The following KLF13 variants were observed in gnomAD, a reference collection of about 807,000 sequenced individuals.
KLF13 encodes KLF transcription factor 13.
KLF13 carries 8 observed loss-of-function variants against 16.7 expected under a neutral mutation model. The ratio of observed to expected loss-of-function variants is 0.48; its 90% CI spans 0.28 to 0.87. The LOEUF (loss-of-function observed/expected upper bound fraction) is 0.87, where lower values mean the gene tolerates loss of function less well. Ranked by LOEUF, KLF13 falls within the 40% of genes least tolerant of loss-of-function variation. The pLI, the probability that KLF13 is intolerant of heterozygous loss-of-function variation, is 0.10. For synonymous variants in KLF13, 245 were observed against 208.4 expected (o/e 1.18, Z -1.51); for missense variants, 447 against 452.2 (o/e 0.99, Z 0.10).
chr15:31,332,286 C>G (rs1324385910), intron 1 of KLF13, among the ~76,000 whole-genome samples: 1 of 152,218 alleles, frequency 6.6e-6, no homozygotes, highest in Admixed American at 6.5e-5. Flanking sequence ...ACGACTCCAC[C>G]TTCTTGAAAA....
chr15:31,340,013 T>C (rs1344596178), intron 1 of KLF13: 2 of 702,412 alleles, frequency 2.8e-6, no homozygotes, highest in Admixed American at 4.0e-5. Flanking sequence ...AGTGGCTTTG[T>C]TTATTTTACT....
intron 1 of KLF13, among the ~76,000 whole-genome samples, chr15:31,343,510 G>A (rs1320455347): frequency 6.6e-6 from 1 of 152,214 alleles, no homozygotes; most frequent in Non-Finnish European, 1.5e-5. Context: ...GGCATGAGGG[G>A]TGCATCCAGC....
At chr15:31,398,979 C>A (rs1314795472) in intron 2 of KLF13, among the ~76,000 whole-genome samples, 1 of 152,178 alleles carries the variant, frequency 6.6e-6, no homozygotes, top group Non-Finnish European at 1.5e-5. Context: ...TGTCACACAG[C>A]CCCAAGCATC....
intron 1 of KLF13, 133 bp downstream of exon 1, chr15:31,327,922 TC>T (rs2038748037): frequency 3.9e-6 from 4 of 1,036,638 alleles, no homozygotes; most frequent in Non-Finnish European, 4.7e-6. Context: ...CCTCGCCCCT[TC>T]CCCTGCCGCT....
chr15:31,391,811 G>A (rs946976799), upstream of KLF13, among the ~76,000 whole-genome samples: 23 of 152,250 alleles, frequency 1.5e-4, 2 homozygotes, highest in Admixed American at 9.1e-4. Context: ...GGTTGGGGGA[G>A]GCGGAGCCCG....
At chr15:31,417,952 CT>C (rs953816824) in intron 1 of KLF13, among the ~76,000 whole-genome samples, 11 of 151,886 alleles carry the variant, frequency 7.2e-5, no homozygotes, top group African/African-American at 1.9e-4. Context: ...CAAACTTTAC[CT>C]TTTTTTTAAA....
intron 1 of KLF13, among the ~76,000 whole-genome samples, chr15:31,353,925 C>T (rs757823321): frequency 1.3e-4 from 20 of 152,234 alleles, no homozygotes; most frequent in Non-Finnish European, 2.4e-4. Flanking sequence ...GGAAAAAGTA[C>T]ACCCCCACAG....
At chr15:31,407,121 C>T (rs2040139562), downstream of KLF13, among the ~76,000 whole-genome samples, 1 of 152,066 alleles carries the variant, frequency 6.6e-6, no homozygotes, top group African/African-American at 2.4e-5. Flanking sequence ...AATAATTTCC[C>T]AGAGCTAAAC....
At chr15:31,345,200 G>A (rs1485174170) in intron 1 of KLF13, among the ~76,000 whole-genome samples, 1 of 152,200 alleles carries the variant, frequency 6.6e-6, no homozygotes, top group Non-Finnish European at 1.5e-5. Context: ...GTGCTGCATC[G>A]GGCTGGGATT....
intron 2 of KLF13, among the ~76,000 whole-genome samples, chr15:31,398,022 A>ACGCAGTC (rs2039979856): frequency 6.6e-6 from 1 of 152,046 alleles, no homozygotes; most frequent in Non-Finnish European, 1.5e-5. Context: ...CTTGGGTTTT[A>ACGCAGTC]CGCAGTCCGG....
intron 1 of KLF13, among the ~76,000 whole-genome samples, chr15:31,339,689 C>A (rs2038989747): frequency 6.6e-6 from 1 of 152,252 alleles, no homozygotes; most frequent in African/African-American, 2.4e-5. Context: ...CACTCTCCCG[C>A]CAGAGGCCTG....
At chr15:31,332,974 AG>A (rs2038858836) in intron 1 of KLF13, among the ~76,000 whole-genome samples, 1 of 152,204 alleles carries the variant, frequency 6.6e-6, no homozygotes, top group Non-Finnish European at 1.5e-5. Flanking sequence ...ACACTCTAGC[AG>A]GGATCTTGAG....
chr15:31,425,831 C>T (rs768072089), intron 1 of KLF13, among the ~76,000 whole-genome samples: 9 of 152,040 alleles, frequency 5.9e-5, no homozygotes, highest in Admixed American at 1.3e-4. Context: ...GAGCTGAGAT[C>T]GCGCCACTGC....
At chr15:31,362,350 A>G (rs4779869) in intron 1 of KLF13, among the ~76,000 whole-genome samples, 152,215 of 152,364 alleles carry the variant, frequency 1, 76,033 homozygotes, top group Middle Eastern at 1. Flanking sequence ...TGCCCTGGGA[A>G]CATCTCCTAC....
At chr15:31,345,416 A>G (rs1280083929) in intron 1 of KLF13, among the ~76,000 whole-genome samples, 1 of 152,182 alleles carries the variant, frequency 6.6e-6, no homozygotes. Context: ...GCCCTGCTGC[A>G]CCGCTGGCCT....
chr15:31,425,044 G>A (rs536174487), intron 1 of KLF13, among the ~76,000 whole-genome samples: 2 of 151,700 alleles, frequency 1.3e-5, no homozygotes, highest in African/African-American at 4.8e-5. Context: ...CAAGAGCATT[G>A]AAAAAAATAA....
At chr15:31,379,126 C>T (rs776755412), downstream of KLF13, among the ~76,000 whole-genome samples, 2 of 152,160 alleles carry the variant, frequency 1.3e-5, no homozygotes, top group Non-Finnish European at 2.9e-5. Context: ...CTGAAGCTAC[C>T]CTGACACCAG....
chr15:31,429,350 C>G (rs1050335418), intron 1 of KLF13, among the ~76,000 whole-genome samples: 1 of 152,104 alleles, frequency 6.6e-6, no homozygotes, highest in South Asian at 2.1e-4. Context: ...GCAAATAATG[C>G]CCGATTCCGC....
At chr15:31,341,562 G>A (rs1329421598) in intron 1 of KLF13, among the ~76,000 whole-genome samples, 8 of 144,716 alleles carry the variant, frequency 5.5e-5, no homozygotes, top group African/African-American at 2.1e-4. Context: ...TTTGAGGCTG[G>A]GTCTCAGTCT....
Sources: gnomAD v4.1 joint callset for allele counts (sites outside exome capture counted in the v4.1 genomes callset) on GRCh38, gnomAD v4.1.1 for gene constraint, MANE v1.5 for transcripts, NCBI Gene and HGNC (gene_info 2026-07-23, HGNC 2026-07-21) for gene names.